MEGF11: variants seen among roughly 807,000 people sequenced by gnomAD.
MEGF11 encodes multiple EGF like domains 11.
A neutral mutation model predicts 146.6 loss-of-function variants in MEGF11; 126 were observed. That is an observed-to-expected ratio of 0.86 (90% CI 0.74 to 1.00). MEGF11 has a LOEUF of 1.00. MEGF11 is among the 50% of genes least tolerant of loss of function. The pLI is 0.00. For missense variants in MEGF11, 1,509 were observed against 1,521.2 expected (o/e 0.99, Z 0.13); for synonymous variants, 532 against 583.4 (o/e 0.91, Z 1.27).
At position 65,982,418 on chromosome 15, in the gene MEGF11, G is replaced by C; in HGVS notation, c.465C>G (p.Asn155Lys). Residue 155 changes from asparagine to lysine, a missense_variant, in exon 6 of 26, where the codon AAC becomes AAG. Physicochemically the swap from Asn to Lys is moderately conservative, Grantham distance 94 (BLOSUM62 0). Coordinates refer to ENST00000395614, the MANE Select transcript of MEGF11 (RefSeq NM_001385028.1). The surrounding 1 kb of genome is among the most constrained non-coding windows in gnomAD (Gnocchi z 5.6). Reference protein sequence around the residue: ...RCQCQNGALCNPITGACVCAA... With the variant: ...RCQCQNGALCKPITGACVCAA... ...CGCACACGCAGGCGCCTGTGATGGG[G>C]TTACACAGGGCGCCGTTCTGGCACT... is the stretch of plus-strand genomic sequence containing the variant. 6.6e-7 allele frequency: 1 copy of C among 1,510,636 alleles called. No individual in the cohort carries two copies. Among genetic ancestry groups the C allele is most frequent in the Non-Finnish European group, 8.9e-7 (1 of 1,128,270 alleles). The allele number at this position is 1,510,636 out of a possible 1,614,324, so 93.6% of individuals were successfully genotyped here.
intron 5 of MEGF11, among the ~76,000 whole-genome samples, chr15:66,069,789 T>C (rs1175264324): frequency 6.6e-6 from 1 of 152,258 alleles, no homozygotes; most frequent in Non-Finnish European, 1.5e-5. Context: ...AAAGTTTTTC[T>C]ATAAAGGGCC....
At chr15:65,976,436 T>A (rs1050642680) in intron 7 of MEGF11, among the ~76,000 whole-genome samples, 1 of 151,966 alleles carries the variant, frequency 6.6e-6, no homozygotes, top group African/African-American at 2.4e-5. Context: ...TAAGATGAGG[T>A]CATATGGGGG....
intron 5 of MEGF11, among the ~76,000 whole-genome samples, chr15:66,068,490 A>G (rs2085233061): frequency 6.6e-6 from 1 of 152,216 alleles, no homozygotes; most frequent in Admixed American, 6.5e-5. Context: ...CCATTGATCT[A>G]GTGAAATCTA....
rs373250495 is a variant in MEGF11, at chr15:65,957,580, G to A, written c.1254C>T (p.Ile418=). ...TCQNGADCHS[I]TGGCTCAPGF... ...CCGGAGCACAAGTGCAGCCCCCAGT[G>A]ATGCTGTGGCAGTCGGCGCCATTCT... Residue 418 remains isoleucine (I), a synonymous_variant, in exon 10 of 26, where the codon ATC becomes ATT. Coordinates refer to ENST00000395614, the MANE Select transcript of MEGF11 (RefSeq NM_001385028.1). The A allele has an allele frequency of 1.5e-5, 24 of 1,613,766 alleles. No individual in the cohort carries two copies. In the African/African-American group the frequency reaches 2.8e-4, roughly 19 times the overall value.
intron 1 of MEGF11, among the ~76,000 whole-genome samples, chr15:66,240,171 C>T (rs958236791): frequency 6.6e-6 from 1 of 152,236 alleles, no homozygotes; most frequent in African/African-American, 2.4e-5. Flanking sequence ...ATCTGCTCTG[C>T]TGTGGAAGGG....
Position 65,965,127 on chromosome 15 carries a change from G to A in MEGF11, c.900-7C>T. On this transcript the variant is annotated splice_polypyrimidine_tract_variant and splice_region_variant and intron_variant, in intron 8 of 25. Coordinates refer to ENST00000395614, the MANE Select transcript of MEGF11 (RefSeq NM_001385028.1). ...GGGGCACTCCTCTTGGCACCTGTGG[G>A]AGAGCAGAGTGGGGCTGAGGCTGTG... 1 of 1,578,412 alleles carries A rather than the reference G, an allele frequency of 6.3e-7. No individual in the cohort carries two copies. The highest frequency in any genetic ancestry group is 8.6e-7 in the Non-Finnish European group (1 of 1,158,210).
At chr15:66,245,991 TG>T (rs1188933994) in intron 1 of MEGF11, among the ~76,000 whole-genome samples, 1 of 152,180 alleles carries the variant, frequency 6.6e-6, no homozygotes, top group South Asian at 2.1e-4. Context: ...CCAGGCATGG[TG>T]GCTCACTCCT....
Position 66,095,092 on chromosome 15 carries a change from T to C in MEGF11, c.302-598A>G, listed in dbSNP as rs1408245798. Among the ~76,000 whole-genome samples, 4 of 152,192 alleles carry C rather than the reference T, an allele frequency of 2.6e-5. No homozygotes were observed. The East Asian group carries it at 7.7e-4, about 29-fold the overall frequency. ...AAGTAATTAAGAGAGACATCCACGA[T>C]GATGATAATTGTAATTAGAAAGTGC... is the stretch of plus-strand genomic sequence containing the variant. On this transcript the variant is annotated intron_variant, in intron 4 of 25. Coordinates refer to ENST00000395614, the MANE Select transcript of MEGF11 (RefSeq NM_001385028.1).
Position 65,929,749 on chromosome 15 carries a change from G to GC in MEGF11, c.1542dup (p.Leu515AlafsTer6). 1 of 1,552,556 alleles carries GC rather than the reference G, an allele frequency of 6.4e-7. No homozygotes were observed. Among genetic ancestry groups the GC allele is most frequent in the South Asian group, 1.2e-5 (1 of 84,084 alleles). On this transcript the variant is annotated frameshift_variant, in exon 12 of 26. Coordinates refer to ENST00000395614, the MANE Select transcript of MEGF11 (RefSeq NM_001385028.1). LOFTEE classifies it high-confidence loss of function. ...CAAGGCAGCTCACAGGTGTCTCCCA[G>GC]CCAGCCAGGAGTGCAGGAGCAGGAG... is the stretch of plus-strand genomic sequence containing the variant.
In MEGF11 at chr15:65,922,906, C is replaced by T; in HGVS notation, c.1739G>A (p.Ser580Asn). 1.2e-6 allele frequency: 2 copies of T among 1,613,058 alleles called. No homozygotes were observed. Among genetic ancestry groups the T allele is most frequent in the Non-Finnish European group, 1.7e-6 (2 of 1,179,692 alleles). The part of the protein sequence containing the change: ...RWGPNCSVSC[S>N]CENGGSCSPE... ...GGAGCAGGAGCCTCCATTCTCACAG[C>T]TGCAGGAGACAGAGCAGTTGGGGCC... Residue 580 changes from serine (S) to asparagine (N), a missense_variant, in exon 14 of 26, where the codon AGC (serine) becomes AAC (asparagine). Physicochemically the swap from Ser to Asn is conservative, Grantham distance 46. Transcript: ENST00000395614.
At chr15:66,163,186 C>A (rs1024784407) in intron 1 of MEGF11, among the ~76,000 whole-genome samples, 2 of 152,208 alleles carry the variant, frequency 1.3e-5, no homozygotes, top group African/African-American at 4.8e-5. Flanking sequence ...GTCCACCCAT[C>A]TGGGCTCGCT....
At chr15:66,041,846 A>C (rs2083992494) in intron 5 of MEGF11, among the ~76,000 whole-genome samples, 1 of 152,182 alleles carries the variant, frequency 6.6e-6, no homozygotes, top group Non-Finnish European at 1.5e-5. Context: ...TGAGACACAG[A>C]GTAGCTAAGT....
rs532583186 is a variant in MEGF11, at chr15:66,042,258, C to T, written c.394+52144G>A. ...CCAAGTAGCTGGGATTATTGACGCG[C>T]ACCACCACACCTGGCTAATTTTTGT... On this transcript the variant is annotated intron_variant, in intron 5 of 25. Transcript: ENST00000395614. 4.5e-4 allele frequency among the ~76,000 whole-genome samples: 68 copies of T among 152,146 alleles called. 1 individual carries two copies. The highest frequency in any genetic ancestry group is 1.3e-3 in the African/African-American group (56 of 41,502).
chr15:66,191,906 T>C (rs2090892567), intron 1 of MEGF11, among the ~76,000 whole-genome samples: 1 of 150,924 alleles, frequency 6.6e-6, no homozygotes, highest in Non-Finnish European at 1.5e-5. Flanking sequence ...AAACCCCGTA[T>C]CTACTAAAAA....
intron 7 of MEGF11, among the ~76,000 whole-genome samples, chr15:65,977,026 G>A (rs139456391): frequency 0.012 from 1,779 of 152,088 alleles, 26 homozygotes; most frequent in African/African-American, 0.04. Flanking sequence ...AAAGTTAGCC[G>A]GGCGTGATGG....
At chr15:66,017,543 A>G (rs555181310) in intron 5 of MEGF11, among the ~76,000 whole-genome samples, 43 of 152,198 alleles carry the variant, frequency 2.8e-4, no homozygotes, top group Non-Finnish European at 4.6e-4. Flanking sequence ...AGCACCCGGA[A>G]TCCTCCGGCC....
chr15:65,919,670 G>A (rs1237288250), intron 15 of MEGF11, among the ~76,000 whole-genome samples: 1 of 152,174 alleles, frequency 6.6e-6, no homozygotes, highest in Non-Finnish European at 1.5e-5. Context: ...TCGCTACGTT[G>A]CCCAGGCCGG....
At chr15:66,032,497 A>G (rs1289806708) in intron 5 of MEGF11, among the ~76,000 whole-genome samples, 1 of 152,246 alleles carries the variant, frequency 6.6e-6, no homozygotes, top group Non-Finnish European at 1.5e-5. Context: ...AGACTGGAGA[A>G]AGTCTGGAAC....
intron 5 of MEGF11, among the ~76,000 whole-genome samples, chr15:65,992,660 CT>C (rs75056469): frequency 0.24 from 33,490 of 141,938 alleles, 4,054 homozygotes; most frequent in East Asian, 0.61. Flanking sequence ...TTATCGGGGA[CT>C]TTTTTTTTTT....
Sources: allele counts gnomAD v4.1 joint callset (sites outside exome capture counted in the v4.1 genomes callset), GRCh38; gene constraint gnomAD v4.1.1; non-coding constraint Gnocchi (gnomAD v3.1); transcripts MANE v1.5; gene names NCBI Gene and HGNC (gene_info 2026-07-23, HGNC 2026-07-21).